MCTP1: variants seen among roughly 807,000 people sequenced by gnomAD.
MCTP1 encodes multiple C2 and transmembrane domain-containing protein 1.
MCTP1 carries 69 observed loss-of-function variants against 120.6 expected under a neutral mutation model. The ratio of observed to expected loss-of-function variants is 0.57; its 90% CI spans 0.47 to 0.70. The LOEUF is 0.70. MCTP1 is among the 30% of genes least tolerant of loss of function. MCTP1 has a pLI of 0.00. For synonymous variants in MCTP1, 529 were observed against 493.1 expected (o/e 1.07, Z -0.96); for missense variants, 1,203 against 1,248.8 (o/e 0.96, Z 0.55).
rs1186683739 is a variant in MCTP1 at position 94,706,921 on chromosome 5, T to C, written c.*575A>G. ...GTGAATGTACCTTCACTTATTAGCT[T>C]AAAATTAGCCTAAGTCATACCTAAG... On this transcript the variant is annotated 3_prime_UTR_variant, in exon 23 of 23. Coordinates refer to ENST00000515393, the MANE Select transcript of MCTP1 (RefSeq NM_024717.7). 1 of 151,842 alleles carries C rather than the reference T, an allele frequency of 6.6e-6. No individual in the cohort carries two copies. Among genetic ancestry groups the C allele is most frequent in the Non-Finnish European group, 1.5e-5 (1 of 67,886 alleles). The allele number at this position is 151,842 out of a possible 1,614,324, so 9.4% of individuals were successfully genotyped here.
chr5:94,815,054 G>C (rs1169214784), intron 17 of MCTP1, among the ~76,000 whole-genome samples: 1 of 152,162 alleles, frequency 6.6e-6, no homozygotes, highest in African/African-American at 2.4e-5. Flanking sequence ...CATGTTATGA[G>C]GGATTTGTTT....
In MCTP1 at chr5:95,238,693, C is replaced by T. The variant is rs538562703; in HGVS notation, c.720+45163G>A. ...CCTGGAACAATGCATGATCACTAGT[C>T]GCCTGATACCAAGCCTCATATTCTT... On this transcript the variant is annotated intron_variant, in intron 1 of 22. Coordinates refer to ENST00000515393, the MANE Select transcript of MCTP1 (RefSeq NM_024717.7). Among the ~76,000 whole-genome samples, 48 of 152,220 alleles carry T rather than the reference C, an allele frequency of 3.2e-4. 1 individual carries two copies. The South Asian group carries it at 8.3e-3, about 26-fold the overall frequency.
intron 1 of MCTP1, among the ~76,000 whole-genome samples, chr5:95,157,621 AT>A (rs1745270102): frequency 6.6e-6 from 1 of 152,218 alleles, no homozygotes; most frequent in African/African-American, 2.4e-5. Flanking sequence ...AAACAACTAA[AT>A]ATACCATTAA....
At chr5:95,018,041 G>T (rs975683705) in intron 1 of MCTP1, among the ~76,000 whole-genome samples, 8 of 151,936 alleles carry the variant, frequency 5.3e-5, no homozygotes, top group Admixed American at 1.3e-4. Context: ...ATATATTCTC[G>T]ATGGGGCTAA....
chr5:95,052,956 G>A (rs1746403263), intron 1 of MCTP1, among the ~76,000 whole-genome samples: 1 of 152,018 alleles, frequency 6.6e-6, no homozygotes, highest in South Asian at 2.1e-4. Flanking sequence ...ATCTCAACAG[G>A]GAAAAGCACT....
intron 1 of MCTP1, among the ~76,000 whole-genome samples, chr5:95,254,166 T>C (rs890697160): frequency 1.3e-5 from 2 of 152,162 alleles, no homozygotes; most frequent in African/African-American, 4.8e-5. Flanking sequence ...TCACTGACAA[T>C]GTTTTCTTCT....
intron 3 of MCTP1, among the ~76,000 whole-genome samples, chr5:94,952,192 A>AAAAAAAAAAAAAAAAAAG (rs1561912862): frequency 1.4e-5 from 2 of 143,410 alleles, no homozygotes; most frequent in Non-Finnish European, 3.1e-5. Context: ...AAAAAAAAAA[A>AAAAAAAAAAAAAAAAAAG]AGCTATTGAA....
intron 19 of MCTP1, among the ~76,000 whole-genome samples, chr5:94,743,495 G>A (rs939931968): frequency 6.6e-6 from 1 of 152,244 alleles, no homozygotes; most frequent in Non-Finnish European, 1.5e-5. Context: ...CGACACAAAC[G>A]GAAACGCCTG....
intron 1 of MCTP1, among the ~76,000 whole-genome samples, chr5:95,113,991 C>T (rs928585249): frequency 6.6e-6 from 1 of 152,144 alleles, no homozygotes; most frequent in Non-Finnish European, 1.5e-5. Flanking sequence ...GTGAGGCCCA[C>T]TTTCCAGGTT....
Position 94,706,444 on chromosome 5 carries a change from A to T in MCTP1, c.*1052T>A, listed in dbSNP as rs1754622725. 2.6e-5 allele frequency: 4 copies of T among 151,396 alleles called. No individual in the cohort carries two copies. The South Asian group carries it at 8.3e-4, about 31-fold the overall frequency. 9.4% of individuals were successfully genotyped at this position (151,396 alleles called of 1,614,324 possible). On this transcript the variant is annotated 3_prime_UTR_variant, in exon 23 of 23. Coordinates refer to ENST00000515393, the MANE Select transcript of MCTP1 (RefSeq NM_024717.7). Reference sequence around the variant, plus strand: ...AGGTTTTCATGCATAATCAAGAATGATTTTTTTTAATAAATGAATGTAGTG... The same window carrying T: ...AGGTTTTCATGCATAATCAAGAATGTTTTTTTTTAATAAATGAATGTAGTG...
intron 18 of MCTP1, among the ~76,000 whole-genome samples, chr5:94,797,819 G>A (rs988277457): frequency 5.9e-5 from 9 of 151,842 alleles, no homozygotes; most frequent in African/African-American, 2.2e-4. Flanking sequence ...GTGCATTGTT[G>A]GCAACTTTGT....
chr5:94,801,693 G>A (rs370263163), intron 17 of MCTP1, among the ~76,000 whole-genome samples: 2 of 152,124 alleles, frequency 1.3e-5, no homozygotes, highest in Admixed American at 6.6e-5. Context: ...TCCATTCATT[G>A]GTGTTAGGGT....
At chr5:95,187,982 C>T (rs971879747) in intron 1 of MCTP1, among the ~76,000 whole-genome samples, 1 of 151,966 alleles carries the variant, frequency 6.6e-6, no homozygotes, top group East Asian at 1.9e-4. Flanking sequence ...CTCATGTACC[C>T]CATAGATATA....
intron 1 of MCTP1, among the ~76,000 whole-genome samples, chr5:95,248,401 A>T (rs1402889355): frequency 6.6e-6 from 1 of 152,232 alleles, no homozygotes; most frequent in African/African-American, 2.4e-5. Flanking sequence ...CCAAATCATG[A>T]GTGAACTCCT....
intron 12 of MCTP1, among the ~76,000 whole-genome samples, chr5:94,879,769 T>C (rs1198258238): frequency 6.6e-6 from 1 of 152,134 alleles, no homozygotes; most frequent in African/African-American, 2.4e-5. Flanking sequence ...GAAGATAGTT[T>C]TGGCTTCAGA....
intron 2 of MCTP1, among the ~76,000 whole-genome samples, chr5:94,993,257 T>G (rs1348128946): frequency 1.3e-5 from 2 of 152,172 alleles, no homozygotes; most frequent in East Asian, 3.8e-4. Context: ...ACTTTAAAAA[T>G]GTTTAGAGGG....
intron 1 of MCTP1, among the ~76,000 whole-genome samples, chr5:95,146,755 T>A (rs919563192): frequency 1.3e-5 from 2 of 152,180 alleles, no homozygotes; most frequent in African/African-American, 4.8e-5. Flanking sequence ...GAGTGTTTGT[T>A]ATGATTTTTT....
At chr5:94,835,969 A>C (rs1490337735) in intron 17 of MCTP1, among the ~76,000 whole-genome samples, 2 of 152,030 alleles carry the variant, frequency 1.3e-5, no homozygotes, top group Non-Finnish European at 2.9e-5. Context: ...GTGCCACTGC[A>C]CTCCAGCCTG....
chr5:94,767,726 A>G (rs531059508), intron 19 of MCTP1, among the ~76,000 whole-genome samples: 114 of 152,286 alleles, frequency 7.5e-4, no homozygotes, highest in Admixed American at 1.8e-3. Flanking sequence ...GACCTCTACA[A>G]GGAAAACTAA....
Sources: gnomAD v4.1 joint callset for allele counts (sites outside exome capture counted in the v4.1 genomes callset) on GRCh38, gnomAD v4.1.1 for gene constraint, MANE v1.5 for transcripts, NCBI Gene and HGNC (gene_info 2026-07-23, HGNC 2026-07-21) for gene names.